ZNF516: variants seen among roughly 807,000 people sequenced by gnomAD.
ZNF516 encodes the protein zinc finger protein 516.
A neutral mutation model predicts 79.7 loss-of-function variants in ZNF516; 19 were observed. The observed-to-expected ratio is 0.24, with a 90% CI of 0.17 to 0.35. The LOEUF (loss-of-function observed/expected upper bound fraction) is 0.35, where lower values mean the gene tolerates loss of function less well. ZNF516 is among the 10% of genes least tolerant of loss of function. The pLI is 1.00. For synonymous variants in ZNF516, 877 were observed against 739.5 expected, an observed-to-expected ratio of 1.19 and a Z score of -3.02; for missense variants, 1,678 against 1,679.5, an observed-to-expected ratio of 1.00 and a Z score of 0.02.
In ZNF516 at chr18:76,379,918, C is replaced by A. The variant is rs895155460; in HGVS notation, c.2196G>T (p.Pro732=). Residue 732 remains proline, a synonymous_variant, in exon 4 of 7, where the codon CCG becomes CCT. Coordinates refer to ENST00000443185, the MANE Select transcript of ZNF516 (RefSeq NM_014643.4). Reference sequence around the variant, plus strand: ...GCGTCGACCTCGCACTTAAATCTAGCGGCATGAGGTCTGGGGCCAGCGCCC... The same window carrying A: ...GCGTCGACCTCGCACTTAAATCTAGAGGCATGAGGTCTGGGGCCAGCGCCC... The part of the protein sequence containing the change: ...GKRALAPDLM[P]LDLSARSTRD... 1 of 1,613,976 alleles carries A rather than the reference C, an allele frequency of 6.2e-7. No individual in the cohort carries two copies. The highest frequency in any genetic ancestry group is 2.2e-5 in the East Asian group (1 of 44,852).
intron 3 of ZNF516, 96 bp from the exon 4 acceptor site, chr18:76,380,399 C>G (rs2074872237): frequency 6.8e-7 from 1 of 1,476,748 alleles, no homozygotes; most frequent in Non-Finnish European, 9.0e-7. Context: ...TCCAAGCCAT[C>G]TGTCTTCAGC....
rs542608398 is a variant in ZNF516 at position 76,360,468 on chromosome 18, C to A, written c.*2030G>T. The A allele has an allele frequency of 2.0e-5, 3 of 151,678 alleles. No individual in the cohort carries two copies. The South Asian group carries it at 6.3e-4, about 32-fold the overall frequency. The allele number at this position is 151,678 out of a possible 1,614,324, so 9.4% of individuals were successfully genotyped here. On this transcript the variant is annotated 3_prime_UTR_variant, in exon 7 of 7. Transcript: ENST00000443185. ...AATCAACAGAAGAGTCTTCTGATTT[C>A]TTAGGTGGACAGAGGAATGTGTCTC...
chr18:76,423,971 A>G, intron 3 of ZNF516, among the ~76,000 whole-genome samples: 1 of 143,612 alleles, frequency 7.0e-6, no homozygotes, highest in Non-Finnish European at 1.5e-5. Flanking sequence ...GCAGGTGAAA[A>G]GGCTCCCCCG....
At position 76,441,321 on chromosome 18, in the gene ZNF516, A is replaced by G. The variant is rs2075815362; in HGVS notation, c.1734T>C (p.Ala578=). The G allele has an allele frequency of 2.5e-6, 4 of 1,611,824 alleles. No individual in the cohort carries two copies. The highest frequency in any genetic ancestry group is 3.4e-6 in the Non-Finnish European group (4 of 1,179,562). ...CGGCCAGGCCAGAGCCCGGGGAGTC[A>G]GCAGCGGCACAGGCGGAGCCAGGGC... The part of the protein sequence containing the change: ...PSSPGSACAA[A]DSPGSGLADE... Residue 578 remains alanine, a synonymous_variant, in exon 3 of 7, where the codon GCT becomes GCC. Coordinates refer to ENST00000443185, the MANE Select transcript of ZNF516 (RefSeq NM_014643.4).
At chr18:76,397,472 A>G (rs768612793) in intron 3 of ZNF516, among the ~76,000 whole-genome samples, 11 of 145,090 alleles carry the variant, frequency 7.6e-5, no homozygotes, top group Non-Finnish European at 1.2e-4. Flanking sequence ...CAAGATGTTT[A>G]TTCTACTTTT....
At chr18:76,406,746 A>T (rs1444635809) in intron 3 of ZNF516, among the ~76,000 whole-genome samples, 2 of 152,134 alleles carry the variant, frequency 1.3e-5, no homozygotes, top group Non-Finnish European at 2.9e-5. Flanking sequence ...AAAGTTCCCA[A>T]TAGTCAATAA....
chr18:76,407,523 G>A (rs568183662), intron 3 of ZNF516, among the ~76,000 whole-genome samples: 23 of 152,250 alleles, frequency 1.5e-4, no homozygotes, highest in South Asian at 4.1e-4. Context: ...ACGAGGAGAC[G>A]GGGCCATGTG....
rs902369992 is a variant in ZNF516, at chr18:76,380,451, CCT to C, written c.1811-150_1811-149del. 3.9e-5 allele frequency: 36 copies of C among 916,516 alleles called. 1 individual carries two copies. The East Asian group carries it at 4.8e-4, about 12-fold the overall frequency. 56.8% of individuals were successfully genotyped at this position (916,516 alleles called of 1,614,324 possible). ...GAGTCTGGGTGGCTCTTAGAAAACCCCTGAGGAGCCACCCAGACAAGAACAAA... is the reference window on the plus strand; with the variant it reads ...GAGTCTGGGTGGCTCTTAGAAAACCCGAGGAGCCACCCAGACAAGAACAAA... On this transcript the variant is annotated intron_variant, in intron 3 of 6. Coordinates refer to ENST00000443185, the MANE Select transcript of ZNF516 (RefSeq NM_014643.4).
At chr18:76,374,772 T>C (rs530837279) in intron 4 of ZNF516, among the ~76,000 whole-genome samples, 1 of 152,308 alleles carries the variant, frequency 6.6e-6, no homozygotes, top group African/African-American at 2.4e-5. Context: ...GGGTAATCAA[T>C]GACCACTCAC....
chr18:76,476,244 T>C (rs1207173062), intron 1 of ZNF516, among the ~76,000 whole-genome samples: 1 of 152,176 alleles, frequency 6.6e-6, no homozygotes, highest in Non-Finnish European at 1.5e-5. Context: ...CATCTCCTTT[T>C]ATAGTATGAA....
At chr18:76,414,974 G>A (rs1418894445) in intron 3 of ZNF516, among the ~76,000 whole-genome samples, 1 of 152,360 alleles carries the variant, frequency 6.6e-6, no homozygotes, top group East Asian at 1.9e-4. Context: ...GAGGTGGGCA[G>A]ATCACCTGAG....
In ZNF516 at chr18:76,443,056, C is replaced by G. The variant is rs780951480; in HGVS notation, c.-2G>C. 1.9e-6 allele frequency: 3 copies of G among 1,583,336 alleles called. No individual in the cohort carries two copies. Among genetic ancestry groups the G allele is most frequent in the African/African-American group, 2.7e-5 (2 of 74,366 alleles). ...CTCGGCCTCTCTGTTGCGATCCATCCGAAGGACGGGCGCGGCCGGTGGTGG... is the reference window on the plus strand; with the variant it reads ...CTCGGCCTCTCTGTTGCGATCCATCGGAAGGACGGGCGCGGCCGGTGGTGG... On this transcript the variant is annotated 5_prime_UTR_variant, in exon 3 of 7. Coordinates refer to ENST00000443185, the MANE Select transcript of ZNF516 (RefSeq NM_014643.4).
intron 3 of ZNF516, among the ~76,000 whole-genome samples, chr18:76,412,208 C>G (rs377252784): frequency 6.6e-6 from 1 of 152,314 alleles, no homozygotes; most frequent in African/African-American, 2.4e-5. Flanking sequence ...TTCCTAAGTC[C>G]GGGACCAAGA....
At chr18:76,419,553 C>A (rs769599173) in intron 3 of ZNF516, among the ~76,000 whole-genome samples, 5 of 152,230 alleles carry the variant, frequency 3.3e-5, no homozygotes, top group African/African-American at 4.8e-5. Context: ...ACTGTAGCTC[C>A]ATAATTCCAT....
intron 3 of ZNF516, among the ~76,000 whole-genome samples, chr18:76,404,562 GTA>G (rs766554282): frequency 6.6e-6 from 1 of 151,956 alleles, no homozygotes; most frequent in East Asian, 1.9e-4. Flanking sequence ...GCATGTGTTT[GTA>G]TGTTTGTGAG....
intron 1 of ZNF516, among the ~76,000 whole-genome samples, chr18:76,465,486 C>T (rs994812741): frequency 3.3e-5 from 5 of 152,164 alleles, no homozygotes; most frequent in Admixed American, 6.5e-5. Flanking sequence ...GGACAGCACA[C>T]GGGAGAAATG....
chr18:76,491,695 T>TGGCCCC, intron 1 of ZNF516: 1 of 130,942 alleles, frequency 7.6e-6, no homozygotes, highest in Non-Finnish European at 1.5e-5. Flanking sequence ...GGCAGGTGAG[T>TGGCCCC]CCCCCCCCGA....
intron 2 of ZNF516, among the ~76,000 whole-genome samples, chr18:76,447,607 C>T (rs139672778): frequency 6.6e-6 from 1 of 152,360 alleles, no homozygotes; most frequent in Non-Finnish European, 1.5e-5. Flanking sequence ...TGCAACAACA[C>T]AGATGCTCAG....
intron 1 of ZNF516, among the ~76,000 whole-genome samples, chr18:76,486,630 G>A (rs1387477921): frequency 6.6e-6 from 1 of 151,218 alleles, no homozygotes; most frequent in Admixed American, 6.6e-5. Context: ...TGGAGGCTGA[G>A]CCAGCACCAG....
Sources: gnomAD v4.1 joint callset for allele counts (sites outside exome capture counted in the v4.1 genomes callset) on GRCh38, gnomAD v4.1.1 for gene constraint, MANE v1.5 for transcripts, NCBI Gene and HGNC (gene_info 2026-07-23, HGNC 2026-07-21) for gene names.